Variants in MAST2 observed in about 807,000 individuals in gnomAD.
The protein encoded by MAST2 is microtubule associated serine/threonine kinase 2, also known as microtubule-associated serine/threonine-protein kinase 2.
In MAST2, 70 loss-of-function variants were observed where a neutral mutation model predicts 147.4. The observed-to-expected ratio is 0.47, with a 90% CI of 0.39 to 0.58. The LOEUF (loss-of-function observed/expected upper bound fraction) is 0.58. Ranked by LOEUF, MAST2 falls within the 20% of genes least tolerant of loss-of-function variation. The pLI, the probability that MAST2 is intolerant of heterozygous loss-of-function variation, is 0.00. For missense variants in MAST2, 2,080 were observed against 2,302.3 expected (o/e 0.90, Z 1.98); for synonymous variants, 869 against 896.8 (o/e 0.97, Z 0.55).
intron 4 of MAST2, 113 bp downstream of exon 4, chr1:45,882,508 G>C (rs1177225491): frequency 5.0e-6 from 4 of 792,222 alleles, no homozygotes; most frequent in Non-Finnish European, 8.2e-6. Context: ...ATTTCTTTCT[G>C]TGTACTCCTA....
intron 3 of MAST2, among the ~76,000 whole-genome samples, chr1:45,850,260 C>T (rs1247246476): frequency 6.6e-6 from 1 of 152,062 alleles, no homozygotes; most frequent in South Asian, 2.1e-4. Flanking sequence ...TGAGAAGTGT[C>T]TGTTCATGTC....
chr1:46,008,440 G>GA, intron 9 of MAST2, 69 bp downstream of exon 9: 1 of 962,164 alleles, frequency 1.0e-6, no homozygotes, highest in Admixed American at 1.8e-5. Flanking sequence ...GCCCCAATGG[G>GA]AGACTCTGGA....
At chr1:45,853,602 C>T (rs553331613) in intron 3 of MAST2, among the ~76,000 whole-genome samples, 7 of 152,172 alleles carry the variant, frequency 4.6e-5, no homozygotes, top group Non-Finnish European at 1.0e-4. Context: ...GATCCACCCA[C>T]CCCGGCCTCC....
intron 4 of MAST2, among the ~76,000 whole-genome samples, chr1:45,953,028 G>T (rs1387967208): frequency 6.6e-6 from 1 of 152,140 alleles, no homozygotes; most frequent in Non-Finnish European, 1.5e-5. Context: ...GTAATAATAG[G>T]TAAGTTGAAA....
At chr1:45,993,297 A>G (rs1306753423) in intron 5 of MAST2, among the ~76,000 whole-genome samples, 1 of 152,136 alleles carries the variant, frequency 6.6e-6, no homozygotes, top group Non-Finnish European at 1.5e-5. Flanking sequence ...GACATTTTTA[A>G]AACATTTTTT....
At chr1:45,864,015 T>C (rs1646064185) in intron 3 of MAST2, among the ~76,000 whole-genome samples, 1 of 152,214 alleles carries the variant, frequency 6.6e-6, no homozygotes, top group Non-Finnish European at 1.5e-5. Context: ...AGTTTAAACG[T>C]TGCTTATGGA....
At chr1:45,987,777 A>ATTTTTTTTTTTTTTTTT in intron 5 of MAST2, among the ~76,000 whole-genome samples, 14 of 21,800 alleles carry the variant, frequency 6.4e-4, no homozygotes, top group East Asian at 1.4e-3. Context: ...TTTTTTTTTG[A>ATTTTTTTTTTTTTTTTT]TTTTTTTTTT....
chr1:45,866,846 G>C (rs2148120411), intron 3 of MAST2, among the ~76,000 whole-genome samples: 1 of 151,988 alleles, frequency 6.6e-6, no homozygotes, highest in Admixed American at 6.5e-5. Flanking sequence ...AGGTTCAAGT[G>C]ATTCTCCTGC....
At chr1:45,910,693 C>G (rs1340876125) in intron 4 of MAST2, among the ~76,000 whole-genome samples, 1 of 152,176 alleles carries the variant, frequency 6.6e-6, no homozygotes, top group African/African-American at 2.4e-5. Flanking sequence ...ACAATACTTT[C>G]TTAGGAAAGG....
chr1:45,970,010 G>T (rs1376131807), intron 5 of MAST2, among the ~76,000 whole-genome samples: 2 of 152,132 alleles, frequency 1.3e-5, no homozygotes, highest in African/African-American at 2.4e-5. Context: ...TTGGCTGCTG[G>T]AATTGGGTAT....
chr1:45,978,676 A>G (rs1295130875), intron 5 of MAST2, among the ~76,000 whole-genome samples: 1 of 152,246 alleles, frequency 6.6e-6, no homozygotes, highest in African/African-American at 2.4e-5. Flanking sequence ...CTATTTTGCA[A>G]AACAGCTTGG....
chr1:45,979,191 C>A (rs958382231), intron 5 of MAST2, among the ~76,000 whole-genome samples: 5 of 152,250 alleles, frequency 3.3e-5, no homozygotes, highest in Non-Finnish European at 5.9e-5. Context: ...CATTGTTAAA[C>A]CTAGATGGTG....
At chr1:45,990,015 G>T (rs949139872) in intron 5 of MAST2, among the ~76,000 whole-genome samples, 2 of 152,136 alleles carry the variant, frequency 1.3e-5, no homozygotes, top group African/African-American at 4.8e-5. Context: ...AGTTTTGGGC[G>T]ATCACGAATA....
rs76713383 is a variant in MAST2, at chr1:45,834,985, G to T, written c.468+5404G>T. Reference sequence around the variant, plus strand: ...TTGAAATTTTATTGGTAGTGTTGAGGATCAGTACACAGACATTTCCATTTG... The same window carrying T: ...TTGAAATTTTATTGGTAGTGTTGAGTATCAGTACACAGACATTTCCATTTG... On this transcript the variant is annotated intron_variant, in intron 3 of 28. Coordinates refer to ENST00000361297, the MANE Select transcript of MAST2 (RefSeq NM_015112.3). Among the ~76,000 whole-genome samples the T allele has an allele frequency of 1.1e-4, 17 of 151,636 alleles. No individual in the cohort carries two copies. The East Asian group carries it at 3.3e-3, about 29-fold the overall frequency.
chr1:45,958,434 C>T lies in MAST2; in HGVS notation c.501-952C>T, dbSNP rs566430178. Among the ~76,000 whole-genome samples, 3 of 152,126 alleles carry T rather than the reference C, an allele frequency of 2.0e-5. No individual in the cohort carries two copies. The South Asian group carries it at 6.2e-4, about 32-fold the overall frequency. On this transcript the variant is annotated intron_variant, in intron 4 of 28. Coordinates refer to ENST00000361297, the MANE Select transcript of MAST2 (RefSeq NM_015112.3). ...TCTGAGTCCTTCATATCATTCAGCTCTCTCATCAGACTTCACTTCCCTAGT... is the reference window on the plus strand; with the variant it reads ...TCTGAGTCCTTCATATCATTCAGCTTTCTCATCAGACTTCACTTCCCTAGT...
At chr1:45,822,804 CCTT>C (rs1393867700) in intron 1 of MAST2, among the ~76,000 whole-genome samples, 1 of 152,204 alleles carries the variant, frequency 6.6e-6, no homozygotes, top group Non-Finnish European at 1.5e-5. Flanking sequence ...AAGTCTGCTT[CCTT>C]CCCTGGTTTC....
chr1:45,966,747 G>A (rs1010671969), intron 5 of MAST2, among the ~76,000 whole-genome samples: 3 of 151,976 alleles, frequency 2.0e-5, no homozygotes, highest in Non-Finnish European at 4.4e-5. Context: ...AAAACTCCCA[G>A]GCCGCCTTCC....
At chr1:45,818,670 G>A (rs916077819) in intron 1 of MAST2, among the ~76,000 whole-genome samples, 2 of 152,090 alleles carry the variant, frequency 1.3e-5, no homozygotes, top group African/African-American at 4.8e-5. Context: ...TCCGATGGTC[G>A]GCCACTACAC....
chr1:45,928,427 T>C (rs1288144448), intron 4 of MAST2, among the ~76,000 whole-genome samples: 31 of 152,222 alleles, frequency 2.0e-4, no homozygotes, highest in Admixed American at 2.0e-3. Flanking sequence ...ATTTGGTTAA[T>C]ACATCTCTTA....
Sources: allele counts gnomAD v4.1 joint callset (sites outside exome capture counted in the v4.1 genomes callset), GRCh38; gene constraint gnomAD v4.1.1; transcripts MANE v1.5; gene names NCBI Gene and HGNC (gene_info 2026-07-23, HGNC 2026-07-21).